Variants in TLK1 observed in about 807,000 individuals in gnomAD.
TLK1 encodes tousled like kinase 1.
In TLK1, 24 loss-of-function variants were observed where a neutral mutation model predicts 105.3. That is an observed-to-expected ratio of 0.23 (90% CI 0.17 to 0.32). The LOEUF (loss-of-function observed/expected upper bound fraction) is 0.32. Ranked by LOEUF, TLK1 falls within the 10% of genes least tolerant of loss-of-function variation. The pLI is 1.00. For synonymous variants in TLK1, 321 were observed against 310.4 expected, an observed-to-expected ratio of 1.03 and a Z score of -0.36; for missense variants, 558 against 910.5, an observed-to-expected ratio of 0.61 and a Z score of 4.98.
At chr2:171,213,528 T>C (rs76725944) in intron 1 of TLK1, among the ~76,000 whole-genome samples, 1 of 150,958 alleles carries the variant, frequency 6.6e-6, no homozygotes, top group Admixed American at 6.6e-5. Flanking sequence ...AAAAAAAAAA[T>C]TTATTTTAGT....
chr2:171,212,469 T>C (rs1693635852), intron 1 of TLK1, among the ~76,000 whole-genome samples: 2 of 152,140 alleles, frequency 1.3e-5, no homozygotes, highest in Non-Finnish European at 1.5e-5. Context: ...AATAAACATG[T>C]TCCCCCTAAG....
chr2:171,180,173 C>G (rs1156579514), intron 1 of TLK1, among the ~76,000 whole-genome samples: 1 of 151,066 alleles, frequency 6.6e-6, no homozygotes, highest in African/African-American at 2.4e-5. Context: ...CCACTGCACT[C>G]TGGCTCTGGC....
rs577431208 is a variant in TLK1, at chr2:171,039,064, C to T, written c.1169+7110G>A. Among the ~76,000 whole-genome samples the T allele has an allele frequency of 5.9e-5, 9 of 151,788 alleles. No homozygotes were observed. The East Asian group carries it at 1.6e-3, about 26-fold the overall frequency. On this transcript the variant is annotated intron_variant, in intron 11 of 20. Transcript: ENST00000431350. ...TGATTTCAACCTTTTATAACAACCA[C>T]TTCATTTCTAATAATTTTTTTTGTC...
intron 20 of TLK1, among the ~76,000 whole-genome samples, chr2:170,994,370 C>G (rs1683947225): frequency 6.6e-6 from 1 of 152,068 alleles, no homozygotes; most frequent in South Asian, 2.1e-4. Flanking sequence ...TAAAGACTTT[C>G]TTTAGATGAA....
intron 2 of TLK1, among the ~76,000 whole-genome samples, chr2:171,108,520 G>A (rs116569994): frequency 0.018 from 2,803 of 152,128 alleles, 76 homozygotes; most frequent in African/African-American, 0.063. Flanking sequence ...TACAAAAAAT[G>A]TAATAAACAA....
At chr2:171,107,309 T>G (rs564520171) in intron 2 of TLK1, among the ~76,000 whole-genome samples, 4 of 152,338 alleles carry the variant, frequency 2.6e-5, no homozygotes, top group Admixed American at 2.6e-4. Flanking sequence ...TTTAGACACA[T>G]TTCTCTTTTG....
chr2:171,015,795 G>A (rs934799760), intron 12 of TLK1, among the ~76,000 whole-genome samples: 1 of 151,832 alleles, frequency 6.6e-6, no homozygotes, highest in Non-Finnish European at 1.5e-5. Context: ...ACTAGGGCTG[G>A]GTGCAGTGGC....
intron 2 of TLK1, among the ~76,000 whole-genome samples, chr2:171,104,527 A>G (rs952874701): frequency 1.3e-5 from 2 of 152,190 alleles, no homozygotes; most frequent in Non-Finnish European, 2.9e-5. Flanking sequence ...AATACCAATG[A>G]CATTCCTCAC....
At chr2:171,048,694 A>T (rs535950931) in intron 10 of TLK1, among the ~76,000 whole-genome samples, 2 of 152,284 alleles carry the variant, frequency 1.3e-5, no homozygotes, top group Non-Finnish European at 2.9e-5. Flanking sequence ...TAGCACAGAT[A>T]TGTTGAAGAA....
intron 8 of TLK1, among the ~76,000 whole-genome samples, chr2:171,050,708 T>C (rs1687197502): frequency 6.6e-6 from 1 of 152,184 alleles, no homozygotes; most frequent in Non-Finnish European, 1.5e-5. Context: ...TCCTTAGCAA[T>C]AGGATACTAA....
intron 19 of TLK1, among the ~76,000 whole-genome samples, chr2:170,997,495 T>TA (rs910889795): frequency 2.0e-5 from 3 of 152,034 alleles, no homozygotes; most frequent in African/African-American, 7.3e-5. Context: ...CTTCTTTTCT[T>TA]AAAAAAAGGA....
chr2:171,211,430 A>AC (rs763388264), intron 1 of TLK1, among the ~76,000 whole-genome samples: 2 of 152,170 alleles, frequency 1.3e-5, no homozygotes, highest in Non-Finnish European at 2.9e-5. Flanking sequence ...TATTTAATAC[A>AC]CCAGAAATAT....
chr2:171,064,464 T>C (rs1461647830), intron 3 of TLK1, among the ~76,000 whole-genome samples: 1 of 152,192 alleles, frequency 6.6e-6, no homozygotes, highest in Non-Finnish European at 1.5e-5. Flanking sequence ...AGGCCACCTA[T>C]GTATTTGCTA....
At chr2:171,134,912 A>T (rs933911513) in intron 1 of TLK1, among the ~76,000 whole-genome samples, 1 of 151,948 alleles carries the variant, frequency 6.6e-6, no homozygotes, top group Non-Finnish European at 1.5e-5. Context: ...ATTCAGCCTT[A>T]AAAAAGAAGG....
chr2:171,118,527 G>C (rs1302725780), intron 1 of TLK1, among the ~76,000 whole-genome samples: 1 of 152,140 alleles, frequency 6.6e-6, no homozygotes, highest in Non-Finnish European at 1.5e-5. Flanking sequence ...CACACACACA[G>C]ATGACTGAAG....
At chr2:171,066,598 C>T (rs1688006470) in intron 3 of TLK1, among the ~76,000 whole-genome samples, 1 of 152,190 alleles carries the variant, frequency 6.6e-6, no homozygotes, top group South Asian at 2.1e-4. Flanking sequence ...CCTAACTTGA[C>T]ATCCTCACAT....
At chr2:171,226,501 T>G (rs1416710400) in intron 1 of TLK1, among the ~76,000 whole-genome samples, 1 of 152,144 alleles carries the variant, frequency 6.6e-6, no homozygotes, top group African/African-American at 2.4e-5. Flanking sequence ...TAAAACTCAC[T>G]TCATGAGAAT....
chr2:171,056,707 AAAC>A, intron 5 of TLK1, 141 bp from the exon 6 acceptor site: 1 of 561,854 alleles, frequency 1.8e-6, no homozygotes, highest in Non-Finnish European at 3.0e-6. Context: ...CAAAAAAAAA[AAAC>A]ACAAGGTCAG....
intron 20 of TLK1, among the ~76,000 whole-genome samples, 151 bp downstream of exon 20, chr2:170,996,499 CCTT>C (rs769244820): frequency 1.3e-5 from 2 of 152,190 alleles, no homozygotes; most frequent in Non-Finnish European, 2.9e-5. Context: ...TGATGCAACT[CCTT>C]CTCTGAAAGT....
Sources: gnomAD v4.1 joint callset for allele counts (sites outside exome capture counted in the v4.1 genomes callset) on GRCh38, gnomAD v4.1.1 for gene constraint, MANE v1.5 for transcripts, NCBI Gene and HGNC (gene_info 2026-07-23, HGNC 2026-07-21) for gene names.